CADM2: variants seen among roughly 807,000 people sequenced by gnomAD.
CADM2 encodes cell adhesion molecule 2, also known as immunoglobulin superfamily member 4D.
In CADM2, 12 loss-of-function variants were observed where a neutral mutation model predicts 49.8. That is an observed-to-expected ratio of 0.24 (90% CI 0.15 to 0.39). The LOEUF is 0.39. Among genes scored for constraint, CADM2 ranks in the 10% least tolerant of loss-of-function variants. The pLI is 1.00. For missense variants in CADM2, 378 were observed against 492.3 expected (o/e 0.77, Z 2.20); for synonymous variants, 214 against 175.4 (o/e 1.22, Z -1.74).
intron 1 of CADM2, among the ~76,000 whole-genome samples, chr3:85,210,740 C>T (rs563362824): frequency 6.2e-4 from 95 of 152,120 alleles, no homozygotes; most frequent in African/African-American, 2.1e-3. Flanking sequence ...TGAGTTTTTG[C>T]CATGTTGCCC....
chr3:85,329,420 A>G (rs924500064), intron 1 of CADM2, among the ~76,000 whole-genome samples: 5 of 141,130 alleles, frequency 3.5e-5, no homozygotes, highest in African/African-American at 1.4e-4. Flanking sequence ...CACACACACA[A>G]TTAGCCGGGC....
intron 3 of CADM2, among the ~76,000 whole-genome samples, chr3:85,824,723 TTA>T (rs1361594639): frequency 6.6e-6 from 1 of 152,056 alleles, no homozygotes; most frequent in Non-Finnish European, 1.5e-5. Context: ...TTCTGGGTGT[TTA>T]TTTGCTTGCT....
At chr3:85,282,402 C>G (rs909002570) in intron 1 of CADM2, among the ~76,000 whole-genome samples, 1 of 148,712 alleles carries the variant, frequency 6.7e-6, no homozygotes, top group Non-Finnish European at 1.5e-5. Context: ...GCTGGGACTA[C>G]AGGCGTGAGC....
At chr3:85,677,540 ACT>A (rs1218771812) in intron 1 of CADM2, among the ~76,000 whole-genome samples, 1 of 152,136 alleles carries the variant, frequency 6.6e-6, no homozygotes, top group Non-Finnish European at 1.5e-5. Flanking sequence ...ATTAAAAGAA[ACT>A]CGGTATATTT....
chr3:85,653,740 C>G (rs1028032416), intron 1 of CADM2, among the ~76,000 whole-genome samples: 3 of 151,880 alleles, frequency 2.0e-5, no homozygotes, highest in Non-Finnish European at 4.4e-5. Context: ...TACGGCATCA[C>G]CTAGGGAGTG....
intron 6 of CADM2, among the ~76,000 whole-genome samples, chr3:85,932,456 A>G (rs1369642399): frequency 2.0e-5 from 3 of 152,226 alleles, no homozygotes; most frequent in Admixed American, 1.3e-4. Flanking sequence ...GAAACTAAAG[A>G]TAAGAGTGAG....
intron 1 of CADM2, among the ~76,000 whole-genome samples, chr3:85,397,058 C>T (rs2034827518): frequency 6.6e-6 from 1 of 151,832 alleles, no homozygotes; most frequent in Non-Finnish European, 1.5e-5. Context: ...TCCTACAACA[C>T]AACAACAACA....
chr3:85,855,905 C>A lies in CADM2; in HGVS notation c.239-27386C>A, dbSNP rs138335610. 5.3e-5 allele frequency among the ~76,000 whole-genome samples: 8 copies of A among 152,032 alleles called. No individual in the cohort carries two copies. In the East Asian group the frequency reaches 1.5e-3, roughly 29 times the overall value. Reference sequence around the variant, plus strand: ...CCTCCGAAAGTGCTGGGATTACAGGCGTGAGCCACCATGCCCGGCCAAAAA... The same window carrying A: ...CCTCCGAAAGTGCTGGGATTACAGGAGTGAGCCACCATGCCCGGCCAAAAA... On this transcript the variant is annotated intron_variant, in intron 3 of 9. Coordinates refer to ENST00000383699, the MANE Select transcript of CADM2 (RefSeq NM_001167675.2).
intron 1 of CADM2, among the ~76,000 whole-genome samples, chr3:85,596,242 C>T (rs1045334688): frequency 6.6e-6 from 1 of 151,652 alleles, no homozygotes; most frequent in Non-Finnish European, 1.5e-5. Context: ...ATGAATCATA[C>T]TACCTACCTT....
chr3:85,246,645 G>T (rs1029957984), intron 1 of CADM2, among the ~76,000 whole-genome samples: 5 of 151,522 alleles, frequency 3.3e-5, no homozygotes, highest in Non-Finnish European at 7.4e-5. Flanking sequence ...ATAATTCAGA[G>T]TCTGTAAGGA....
intron 1 of CADM2, among the ~76,000 whole-genome samples, chr3:84,974,690 A>G (rs534058978): frequency 2.6e-4 from 40 of 152,044 alleles, no homozygotes; most frequent in African/African-American, 8.9e-4. Flanking sequence ...CTAAGTTTAT[A>G]TTGATTTTGT....
chr3:85,549,789 A>ATTTTTTTTTTTTT (rs71617942), intron 1 of CADM2, among the ~76,000 whole-genome samples: 1 of 134,874 alleles, frequency 7.4e-6, no homozygotes, highest in Non-Finnish European at 1.6e-5. Context: ...ATGCTGGGCT[A>ATTTTTTTTTTTTT]TTTTTTTTTT....
intron 1 of CADM2, among the ~76,000 whole-genome samples, chr3:85,053,400 A>T (rs2035956693): frequency 6.6e-6 from 1 of 151,954 alleles, no homozygotes; most frequent in African/African-American, 2.4e-5. Flanking sequence ...ATACAGGACA[A>T]GTGACCAAGA....
chr3:85,758,432 C>G (rs1328674873), intron 2 of CADM2, among the ~76,000 whole-genome samples: 1 of 152,062 alleles, frequency 6.6e-6, no homozygotes, highest in Non-Finnish European at 1.5e-5. Context: ...TTCCAGAAAA[C>G]ATTTTCATGT....
chr3:85,845,300 A>G (rs989081666), intron 3 of CADM2, among the ~76,000 whole-genome samples: 8 of 152,118 alleles, frequency 5.3e-5, no homozygotes, highest in African/African-American at 1.7e-4. Context: ...CACAAGATAG[A>G]TAGCAGGACA....
intron 1 of CADM2, among the ~76,000 whole-genome samples, chr3:85,216,222 T>G (rs1316672707): frequency 6.7e-6 from 1 of 150,130 alleles, no homozygotes; most frequent in Non-Finnish European, 1.5e-5. Context: ...AAGAATATAT[T>G]TGTAAATTAT....
chr3:85,213,410 A>G (rs1415214203), intron 1 of CADM2, among the ~76,000 whole-genome samples: 3 of 152,010 alleles, frequency 2.0e-5, no homozygotes, highest in East Asian at 3.9e-4. Flanking sequence ...CTCCTGGCCT[A>G]TAAGATTTCC....
intron 1 of CADM2, among the ~76,000 whole-genome samples, chr3:85,222,304 G>A (rs1468159614): frequency 6.6e-6 from 1 of 152,098 alleles, no homozygotes; most frequent in Non-Finnish European, 1.5e-5. Flanking sequence ...GCTTCTCCCA[G>A]CCAACGACTG....
intron 2 of CADM2, chr3:85,800,020 G>A (rs866219509): frequency 3.3e-5 from 5 of 152,302 alleles, no homozygotes; most frequent in Admixed American, 6.5e-5. Context: ...GTCTCAGGAA[G>A]ATGGAAGTTT....
Sources: gnomAD v4.1 joint callset for allele counts (sites outside exome capture counted in the v4.1 genomes callset) on GRCh38, gnomAD v4.1.1 for gene constraint, MANE v1.5 for transcripts, NCBI Gene and HGNC (gene_info 2026-07-23, HGNC 2026-07-21) for gene names.